The following ZFHX3 variants were observed in gnomAD, a reference collection of about 807,000 sequenced individuals.
The protein encoded by ZFHX3 is zinc finger homeobox 3, also known as zinc finger homeobox protein 3.
In ZFHX3, 42 loss-of-function variants were observed where a neutral mutation model predicts 279.1. That is an observed-to-expected ratio of 0.15 (90% CI 0.12 to 0.19). The LOEUF is 0.19. Among genes scored for constraint, ZFHX3 ranks in the 10% least tolerant of loss-of-function variants. The probability of loss-of-function intolerance (pLI) is 1.00; values close to 1 mark genes in which losing one functional copy is unlikely to be tolerated. For synonymous variants in ZFHX3, 2,293 were observed against 1,957.8 expected, an observed-to-expected ratio of 1.17 and a Z score of -4.52; for missense variants, 4,981 against 4,754.0, an observed-to-expected ratio of 1.05 and a Z score of -1.40.
At chr16:73,422,430 C>A (rs1313086738) in intron 3 of ZFHX3, among the ~76,000 whole-genome samples, 1 of 152,196 alleles carries the variant, frequency 6.6e-6, no homozygotes, top group Non-Finnish European at 1.5e-5. Flanking sequence ...AGGGGCCACC[C>A]TGTCTATCCA....
At chr16:72,889,481 T>C (rs1459537561) in intron 4 of ZFHX3, among the ~76,000 whole-genome samples, 6 of 136,126 alleles carry the variant, frequency 4.4e-5, no homozygotes, top group Non-Finnish European at 6.3e-5. Flanking sequence ...TGCTGCCAAT[T>C]TCCTTTAAAA....
intron 1 of ZFHX3, among the ~76,000 whole-genome samples, chr16:73,872,090 G>A (rs919994135): frequency 6.6e-6 from 1 of 152,138 alleles, no homozygotes; most frequent in East Asian, 1.9e-4. Context: ...GATGGAATGT[G>A]AACCCTAATT....
In ZFHX3 at chr16:73,886,116, A is replaced by G. The variant is rs376305718; in HGVS notation, c.-1608+5535T>C. Reference sequence around the variant, plus strand: ...TAACAAATCGTCAATGACTTTTAAAATAATTGGAGCCCAGAAAATAAAAGA... The same window carrying G: ...TAACAAATCGTCAATGACTTTTAAAGTAATTGGAGCCCAGAAAATAAAAGA... On this transcript the variant is annotated intron_variant, in intron 1 of 17. Transcript: ENST00000641206. Among the ~76,000 whole-genome samples, 35 of 152,352 alleles carry G rather than the reference A, an allele frequency of 2.3e-4. No individual in the cohort carries two copies. The South Asian group carries it at 7.2e-3, about 32-fold the overall frequency.
At chr16:72,815,993 C>T (rs1453883245) in intron 5 of ZFHX3, among the ~76,000 whole-genome samples, 1 of 151,932 alleles carries the variant, frequency 6.6e-6, no homozygotes, top group Admixed American at 6.6e-5. Context: ...TGCTATGAAG[C>T]AATATGGAAA....
intron 3 of ZFHX3, among the ~76,000 whole-genome samples, chr16:73,440,339 C>T (rs1415277067): frequency 6.6e-6 from 1 of 152,162 alleles, no homozygotes; most frequent in Non-Finnish European, 1.5e-5. Flanking sequence ...CATTTGAGTC[C>T]ATGGGTGAAC....
intron 2 of ZFHX3, among the ~76,000 whole-genome samples, chr16:73,638,363 G>T (rs1451166146): frequency 6.6e-6 from 1 of 152,144 alleles, no homozygotes; most frequent in African/African-American, 2.4e-5. Flanking sequence ...GAGCACGAAT[G>T]GAATCAGCCC....
At chr16:73,837,670 C>T (rs1399318762) in intron 1 of ZFHX3, among the ~76,000 whole-genome samples, 1 of 152,066 alleles carries the variant, frequency 6.6e-6, no homozygotes, top group African/African-American at 2.4e-5. Flanking sequence ...CGGAGTTTCG[C>T]TCTTGTTGCC....
At chr16:73,577,956 A>G (rs567659628) in intron 2 of ZFHX3, among the ~76,000 whole-genome samples, 4 of 152,296 alleles carry the variant, frequency 2.6e-5, no homozygotes, top group Admixed American at 2.6e-4. Context: ...CAACATGCAG[A>G]CTCTAAAACT....
At chr16:73,617,878 A>C (rs1224511725) in intron 2 of ZFHX3, among the ~76,000 whole-genome samples, 1 of 152,180 alleles carries the variant, frequency 6.6e-6, no homozygotes, top group Non-Finnish European at 1.5e-5. Context: ...CTTTCTATTC[A>C]TGCAGTCCCC....
chr16:73,568,682 T>C (rs538799318), intron 2 of ZFHX3, among the ~76,000 whole-genome samples: 29 of 152,186 alleles, frequency 1.9e-4, no homozygotes, highest in Non-Finnish European at 4.1e-4. Context: ...ACCACCGTCA[T>C]TGCCATTGTG....
intron 2 of ZFHX3, among the ~76,000 whole-genome samples, chr16:73,620,719 CT>C (rs1361731619): frequency 2.0e-5 from 3 of 152,192 alleles, no homozygotes; most frequent in African/African-American, 7.2e-5. Context: ...TTATTAACTT[CT>C]TTTTGTTCCA....
chr16:73,724,104 G>A (rs771277038), intron 1 of ZFHX3, among the ~76,000 whole-genome samples: 3 of 152,144 alleles, frequency 2.0e-5, no homozygotes, highest in Non-Finnish European at 4.4e-5. Context: ...TTTTGTCTGG[G>A]GAGGGGTGAA....
intron 1 of ZFHX3, among the ~76,000 whole-genome samples, chr16:72,987,626 A>G (rs1260381364): frequency 6.6e-6 from 1 of 152,156 alleles, no homozygotes; most frequent in East Asian, 1.9e-4. Flanking sequence ...GTTCTGCCCC[A>G]CCTACTCCCA....
At chr16:73,248,115 G>C (rs1354445139) in intron 5 of ZFHX3, among the ~76,000 whole-genome samples, 1 of 151,380 alleles carries the variant, frequency 6.6e-6, no homozygotes, top group African/African-American at 2.4e-5. Flanking sequence ...TATGTGGAGT[G>C]TGTGTGTATA....
chr16:72,954,533 G>T (rs769639176), intron 2 of ZFHX3, among the ~76,000 whole-genome samples: 4 of 152,142 alleles, frequency 2.6e-5, no homozygotes, highest in Non-Finnish European at 4.4e-5. Context: ...CCTCAGGAAG[G>T]TGCATGGATT....
intron 1 of ZFHX3, among the ~76,000 whole-genome samples, chr16:73,885,858 TGCACCCAC>T (rs1299140723): frequency 6.6e-6 from 1 of 152,174 alleles, no homozygotes; most frequent in Non-Finnish European, 1.5e-5. Context: ...CAGACCCTGA[TGCACCCAC>T]GCCCATCAAA....
intron 3 of ZFHX3, among the ~76,000 whole-genome samples, chr16:72,920,944 T>G (rs2039568383): frequency 6.6e-6 from 1 of 151,744 alleles, no homozygotes; most frequent in Non-Finnish European, 1.5e-5. Flanking sequence ...TGGTGGTGTA[T>G]GCCTGTATTC....
chr16:73,442,979 T>G (rs374331748), intron 3 of ZFHX3, among the ~76,000 whole-genome samples: 57 of 152,302 alleles, frequency 3.7e-4, no homozygotes, highest in African/African-American at 1.3e-3. Context: ...CAATTTCCTC[T>G]TCTTCTAAGG....
intron 2 of ZFHX3, among the ~76,000 whole-genome samples, chr16:73,572,080 C>T (rs926586268): frequency 6.7e-6 from 1 of 148,860 alleles, no homozygotes; most frequent in African/African-American, 2.5e-5. Context: ...GCTACCCAGG[C>T]AGGATTTGAG....
Sources: gnomAD v4.1 joint callset for allele counts (sites outside exome capture counted in the v4.1 genomes callset) on GRCh38, gnomAD v4.1.1 for gene constraint, MANE v1.5 for transcripts, NCBI Gene and HGNC (gene_info 2026-07-23, HGNC 2026-07-21) for gene names.